Variants in LEPR observed in about 807,000 individuals in gnomAD.
LEPR encodes the protein OB receptor.
LEPR carries 56 observed loss-of-function variants against 114.7 expected under a neutral mutation model. That is an observed-to-expected ratio of 0.49 (90% CI 0.39 to 0.61). The LOEUF (loss-of-function observed/expected upper bound fraction) is 0.61. LEPR is among the 20% of genes least tolerant of loss of function. LEPR has a pLI of 0.00. For missense variants in LEPR, 1,202 were observed against 1,352.9 expected (o/e 0.89, Z 1.75); for synonymous variants, 443 against 461.4 (o/e 0.96, Z 0.51).
intron 2 of LEPR, among the ~76,000 whole-genome samples, chr1:65,546,867 G>A (rs1377219811): frequency 6.6e-6 from 1 of 152,104 alleles, no homozygotes; most frequent in Non-Finnish European, 1.5e-5. Flanking sequence ...TGGTGAGAGA[G>A]GGCATCCCTG....
chr1:65,443,157 G>T (rs1392168230), intron 2 of LEPR, among the ~76,000 whole-genome samples: 1 of 152,050 alleles, frequency 6.6e-6, no homozygotes, highest in African/African-American at 2.4e-5. Context: ...GAAAATCCAG[G>T]AGAATCTATA....
chr1:65,570,275 A>C (rs1487144078), intron 3 of LEPR, among the ~76,000 whole-genome samples, 198 bp from the exon 4 acceptor site: 1 of 152,206 alleles, frequency 6.6e-6, no homozygotes, highest in East Asian at 1.9e-4. Flanking sequence ...AAGTGGAGTA[A>C]TTTCTACAAA....
At chr1:65,528,131 G>A (rs569637534) in intron 2 of LEPR, among the ~76,000 whole-genome samples, 1 of 148,946 alleles carries the variant, frequency 6.7e-6, no homozygotes, top group Non-Finnish European at 1.5e-5. Flanking sequence ...ATTTCTGGGA[G>A]GTCTTGGAAA....
chr1:65,491,282 C>T (rs1413456320), intron 2 of LEPR, among the ~76,000 whole-genome samples: 6 of 152,154 alleles, frequency 3.9e-5, no homozygotes, highest in Middle Eastern at 3.4e-3. Context: ...ATAAATGGCA[C>T]AGGCAGTTAT....
chr1:65,605,437 T>A (rs1490297460), intron 11 of LEPR, among the ~76,000 whole-genome samples, 200 bp downstream of exon 11: 1 of 152,144 alleles, frequency 6.6e-6, no homozygotes, highest in Non-Finnish European at 1.5e-5. Flanking sequence ...TATAGCAGAC[T>A]TTTTTTAGCA....
intron 6 of LEPR, 147 bp downstream of exon 6, chr1:65,593,012 T>C: frequency 2.3e-6 from 2 of 875,008 alleles, no homozygotes; most frequent in East Asian, 2.7e-5. Flanking sequence ...GTATTAAGAG[T>C]GGCTTCTAGA....
intron 5 of LEPR, 46 bp downstream of exon 5, chr1:65,572,495 T>C: frequency 6.6e-7 from 1 of 1,523,550 alleles, no homozygotes; most frequent in Middle Eastern, 2.3e-4. Flanking sequence ...CACAGTTTTT[T>C]TAAAAGAGCT....
chr1:65,425,256 A>G (rs750509668), intron 1 of LEPR, 47 bp from the exon 2 acceptor site: 5 of 1,554,112 alleles, frequency 3.2e-6, no homozygotes, highest in Non-Finnish European at 8.9e-7. Flanking sequence ...CTAGTGCCTG[A>G]CAACCTCTAC....
chr1:65,422,812 C>T (rs1237322748), intron 1 of LEPR, among the ~76,000 whole-genome samples: 2 of 152,106 alleles, frequency 1.3e-5, no homozygotes, highest in African/African-American at 4.8e-5. Context: ...GTGAGTCAGG[C>T]GATGGTGAGC....
chr1:65,566,699 T>C (rs1022489081), intron 3 of LEPR, among the ~76,000 whole-genome samples: 2 of 152,250 alleles, frequency 1.3e-5, no homozygotes, highest in African/African-American at 4.8e-5. Flanking sequence ...ACTTATGTTG[T>C]GGCAACTTTA....
chr1:65,542,045 G>T (rs1239428064), intron 2 of LEPR, among the ~76,000 whole-genome samples: 1 of 152,130 alleles, frequency 6.6e-6, no homozygotes, highest in Non-Finnish European at 1.5e-5. Context: ...CCCAAATTAT[G>T]CTTATTCAGT....
At chr1:65,451,940 C>A (rs1224906512) in intron 2 of LEPR, among the ~76,000 whole-genome samples, 4 of 151,120 alleles carry the variant, frequency 2.6e-5, no homozygotes, top group African/African-American at 7.3e-5. Flanking sequence ...TGTTTGTATC[C>A]TCTTTTATTT....
intron 2 of LEPR, among the ~76,000 whole-genome samples, chr1:65,511,845 G>A (rs1649049648): frequency 6.6e-6 from 1 of 152,130 alleles, no homozygotes; most frequent in Admixed American, 6.5e-5. Flanking sequence ...GCTAGGGGTG[G>A]AGAGAAAACC....
intron 2 of LEPR, among the ~76,000 whole-genome samples, chr1:65,505,462 C>T (rs1648676057): frequency 1.3e-5 from 2 of 152,050 alleles, no homozygotes; most frequent in South Asian, 2.1e-4. Context: ...GTTTTTTGAC[C>T]TTGTTTGTAC....
intron 19 of LEPR, chr1:65,635,058 AT>A (rs1658670287): frequency 1.1e-6 from 1 of 873,510 alleles, no homozygotes; most frequent in Non-Finnish European, 1.4e-6. Context: ...TCACTAACAT[AT>A]TTTACTTAAG....
chr1:65,455,635 C>T (rs12410063), intron 2 of LEPR, among the ~76,000 whole-genome samples: 63,325 of 151,514 alleles, frequency 0.42, 14,828 homozygotes, highest in Non-Finnish European at 0.54. Flanking sequence ...GGCAGTCTGT[C>T]CGTTCTCAGA....
At chr1:65,589,535 G>A (rs898994646) in intron 5 of LEPR, among the ~76,000 whole-genome samples, 2 of 151,026 alleles carry the variant, frequency 1.3e-5, no homozygotes, top group East Asian at 1.9e-4. Flanking sequence ...TCTTCTAGAA[G>A]TTTCATAGCT....
chr1:65,538,229 C>A, intron 2 of LEPR, among the ~76,000 whole-genome samples: 1 of 151,790 alleles, frequency 6.6e-6, no homozygotes, highest in Non-Finnish European at 1.5e-5. Context: ...ATTATGACTT[C>A]CTTTTTCCCT....
chr1:65,592,573 A>C lies in LEPR; in HGVS notation c.495-84A>C, dbSNP rs1030784995. The stretch of plus-strand genomic sequence containing the variant: ...CTGGGTGTCCCAAATAGTTTACTTC[A>C]ATTAGTATTTAGTATCCTGCTTTAA... On this transcript the variant is annotated intron_variant, in intron 5 of 19. Transcript: ENST00000349533. The C allele has an allele frequency of 2.0e-6, 3 of 1,465,696 alleles. No individual in the cohort carries two copies. The African/African-American group carries it at 4.2e-5, about 21-fold the overall frequency. 90.8% of individuals were successfully genotyped at this position (1,465,696 alleles called of 1,614,324 possible).
Sources: gnomAD v4.1 joint callset for allele counts (sites outside exome capture counted in the v4.1 genomes callset) on GRCh38, gnomAD v4.1.1 for gene constraint, MANE v1.5 for transcripts, NCBI Gene and HGNC (gene_info 2026-07-23, HGNC 2026-07-21) for gene names.